JPH1: variants seen among roughly 807,000 people sequenced by gnomAD.
JPH1 encodes the protein junctophilin 1.
Under a neutral mutation model 53.6 loss-of-function variants are expected in JPH1, and 12 were observed. That is an observed-to-expected ratio of 0.22 (90% CI 0.14 to 0.36). JPH1 has a LOEUF of 0.36. Ranked by LOEUF, JPH1 falls within the 10% of genes least tolerant of loss-of-function variation. The pLI, the probability that JPH1 is intolerant of heterozygous loss-of-function variation, is 1.00. For missense variants in JPH1, 808 were observed against 905.5 expected (o/e 0.89, Z 1.38); for synonymous variants, 375 against 363.8 (o/e 1.03, Z -0.35).
chr8:74,244,487 A>G (rs1480005972), intron 4 of JPH1, 42 bp downstream of exon 4: 2 of 1,547,670 alleles, frequency 1.3e-6, no homozygotes, highest in Non-Finnish European at 1.7e-6. Context: ...TGAAAGAAAC[A>G]AAGGGAAGAA....
chr8:74,276,465 G>A (rs1045769014), intron 2 of JPH1, among the ~76,000 whole-genome samples: 3 of 152,210 alleles, frequency 2.0e-5, no homozygotes, highest in African/African-American at 7.2e-5. Context: ...TCAATGATTT[G>A]CAACCTATAA....
At chr8:74,288,131 G>A (rs1586759557) in intron 2 of JPH1, among the ~76,000 whole-genome samples, 2 of 152,204 alleles carry the variant, frequency 1.3e-5, no homozygotes, top group East Asian at 1.9e-4. Context: ...TGTCTAATAA[G>A]TATTACACCA....
At chr8:74,286,326 GT>G (rs2131425822) in intron 2 of JPH1, among the ~76,000 whole-genome samples, 1 of 152,296 alleles carries the variant, frequency 6.6e-6, no homozygotes, top group South Asian at 2.1e-4. Context: ...ATGGGGTACA[GT>G]GTGATGTTTC....
At position 74,314,544 on chromosome 8, in the gene JPH1, A is replaced by C. The variant is rs577832115; in HGVS notation, c.1139+317T>G. Among the ~76,000 whole-genome samples, 269 of 152,312 alleles carry C rather than the reference A, an allele frequency of 1.8e-3. 1 individual carries two copies. Among genetic ancestry groups the C allele is most frequent in the Non-Finnish European group, 3.0e-3 (203 of 68,022 alleles). On this transcript the variant is annotated intron_variant, in intron 2 of 5. Coordinates refer to ENST00000342232, the MANE Select transcript of JPH1 (RefSeq NM_020647.4). ...CTTCTTACAAAAAAAAGAAAAGAAA[A>C]CAGCAACTTTCCGGGCTCAGGAAGA...
chr8:74,253,305 C>T (rs1806122361), intron 3 of JPH1, among the ~76,000 whole-genome samples: 1 of 151,784 alleles, frequency 6.6e-6, no homozygotes, highest in Non-Finnish European at 1.5e-5. Flanking sequence ...AGGTACATAA[C>T]GAAATGAAGG....
At chr8:74,311,558 T>C (rs1160596284) in intron 2 of JPH1, among the ~76,000 whole-genome samples, 1 of 152,104 alleles carries the variant, frequency 6.6e-6, no homozygotes, top group Non-Finnish European at 1.5e-5. Context: ...TTTTAGGGTA[T>C]ATGTACACAA....
At chr8:74,247,904 T>C (rs1381601151) in intron 3 of JPH1, among the ~76,000 whole-genome samples, 1 of 152,222 alleles carries the variant, frequency 6.6e-6, no homozygotes, top group Admixed American at 6.5e-5. Context: ...AACATTAGGA[T>C]GTATCCTAGT....
intron 2 of JPH1, among the ~76,000 whole-genome samples, chr8:74,296,201 TC>T (rs1471005885): frequency 6.6e-6 from 1 of 152,104 alleles, no homozygotes; most frequent in Non-Finnish European, 1.5e-5. Context: ...CTGTGCTGGG[TC>T]CCGTGCAAGG....
At chr8:74,282,897 T>C (rs1447272290) in intron 2 of JPH1, among the ~76,000 whole-genome samples, 2 of 152,230 alleles carry the variant, frequency 1.3e-5, no homozygotes, top group African/African-American at 4.8e-5. Context: ...ATTGTATACA[T>C]GTATCAAAAT....
At chr8:74,238,293 G>A (rs1315760858) in intron 4 of JPH1, among the ~76,000 whole-genome samples, 1 of 152,140 alleles carries the variant, frequency 6.6e-6, no homozygotes, top group Non-Finnish European at 1.5e-5. Flanking sequence ...TTTTTTGGGT[G>A]TGGGGTAAGT....
At chr8:74,263,778 C>T (rs1462487047) in intron 2 of JPH1, among the ~76,000 whole-genome samples, 2 of 152,130 alleles carry the variant, frequency 1.3e-5, no homozygotes, top group African/African-American at 4.8e-5. Context: ...AAAACACATT[C>T]CTGGGTTATG....
intron 2 of JPH1, among the ~76,000 whole-genome samples, chr8:74,304,610 G>C (rs1490235124): frequency 2.6e-5 from 4 of 151,188 alleles, no homozygotes; most frequent in South Asian, 2.1e-4. Flanking sequence ...TTGAAATCTT[G>C]AAATAATAAT....
intron 2 of JPH1, among the ~76,000 whole-genome samples, chr8:74,287,307 A>G (rs903731372): frequency 1.3e-5 from 2 of 152,048 alleles, no homozygotes; most frequent in African/African-American, 4.8e-5. Context: ...GCGTGCCTGT[A>G]AACACAGCTA....
intron 2 of JPH1, 43 bp from the exon 3 acceptor site, chr8:74,259,546 T>G: frequency 1.5e-6 from 2 of 1,337,570 alleles, no homozygotes; most frequent in Non-Finnish European, 2.0e-6. Flanking sequence ...GGTGACCCCT[T>G]GTTACTTACA....
intron 2 of JPH1, among the ~76,000 whole-genome samples, chr8:74,261,735 T>C (rs1806402125): frequency 6.6e-6 from 1 of 152,226 alleles, no homozygotes; most frequent in African/African-American, 2.4e-5. Flanking sequence ...CCGCTATTCT[T>C]AGCCAGAGCC....
At position 74,321,019 on chromosome 8, in the gene JPH1, A is replaced by G; in HGVS notation, c.269T>C (p.Phe90Ser). 6.2e-7 allele frequency: 1 copy of G among 1,612,844 alleles called. No individual in the cohort carries two copies. Among genetic ancestry groups the G allele is most frequent in the Non-Finnish European group, 8.5e-7 (1 of 1,179,496 alleles). The part of the protein sequence containing the change: ...WMYRGEWSHG[F>S]KGRYGVRQSL... ...CTGCCGGACCCCGTAGCGCCCCTTG[A>G]AACCATGTGACCACTCCCCCCGGTA... Residue 90 changes from phenylalanine (F) to serine (S), a missense_variant, in exon 1 of 6, where the codon TTC (phenylalanine) becomes TCC (serine). Phe to Ser is a radical substitution (Grantham distance 155). Around this residue, in one of 2 missense-constraint regions of JPH1, gnomAD observed 756 missense variants for 811.9 expected, o/e 0.93. Coordinates refer to ENST00000342232, the MANE Select transcript of JPH1 (RefSeq NM_020647.4). The surrounding 1 kb of genome is among the most constrained non-coding windows in gnomAD (Gnocchi z 4.3).
At position 74,244,696 on chromosome 8, in the gene JPH1, G is replaced by A. The variant is rs1453867040; in HGVS notation, c.1738C>T (p.Leu580=). Residue 580 remains leucine (L), a synonymous_variant, in exon 4 of 6, where the codon CTG becomes TTG. Coordinates refer to ENST00000342232, the MANE Select transcript of JPH1 (RefSeq NM_020647.4). ...TTGTTAGCGGATGGCTTGTGCACCA[G>A]TGCTGAGGAAGACTGGCTGGATCCA... ...GDGSSQSSSA[L]VHKPSANKWS... The A allele has an allele frequency of 6.2e-7, 1 of 1,614,220 alleles. No homozygotes were observed. The highest frequency in any genetic ancestry group is 2.2e-5 in the East Asian group (1 of 44,872).
intron 2 of JPH1, among the ~76,000 whole-genome samples, chr8:74,280,196 T>C (rs139279910): frequency 1.1e-3 from 172 of 152,352 alleles, no homozygotes; most frequent in African/African-American, 3.9e-3. Flanking sequence ...GATGTTTATG[T>C]ATATTAACAT....
intron 2 of JPH1, among the ~76,000 whole-genome samples, chr8:74,306,661 T>C (rs539317883): frequency 1.3e-5 from 2 of 151,988 alleles, no homozygotes; most frequent in Admixed American, 1.3e-4. Context: ...TGCAATGGCA[T>C]GATCTCTGCT....
Sources: allele counts gnomAD v4.1 joint callset (sites outside exome capture counted in the v4.1 genomes callset), GRCh38; gene constraint gnomAD v4.1.1; regional missense constraint gnomAD v4.1.1; non-coding constraint Gnocchi (gnomAD v3.1); transcripts MANE v1.5; gene names NCBI Gene and HGNC (gene_info 2026-07-23, HGNC 2026-07-21).